The following MCTP2 variants were observed in gnomAD, a reference collection of about 807,000 sequenced individuals.
MCTP2 encodes multiple C2 and transmembrane domain-containing protein 2.
In MCTP2, 132 loss-of-function variants were observed where a neutral mutation model predicts 111.6. That is an observed-to-expected ratio of 1.18 (90% confidence interval 1.03 to 1.37). The LOEUF (loss-of-function observed/expected upper bound fraction) is 1.37, where lower values mean the gene tolerates loss of function less well. MCTP2 is among the 40% of genes most tolerant of loss of function. MCTP2 has a pLI of 0.00. For synonymous variants in MCTP2, 395 were observed against 387.7 expected (o/e 1.02, Z -0.22); for missense variants, 1,183 against 1,067.9 (o/e 1.11, Z -1.50).
chr15:94,306,704 C>G (rs1172550612), intron 2 of MCTP2, among the ~76,000 whole-genome samples: 2 of 152,178 alleles, frequency 1.3e-5, no homozygotes, highest in African/African-American at 4.8e-5. Flanking sequence ...CCATGAAATT[C>G]CACAATGGGG....
chr15:94,433,787 C>G (rs2083314829), intron 17 of MCTP2, among the ~76,000 whole-genome samples: 1 of 152,058 alleles, frequency 6.6e-6, no homozygotes, highest in African/African-American at 2.4e-5. Flanking sequence ...TAAATTTTAG[C>G]CCTTCTAATA....
chr15:94,434,600 A>G (rs1314895215), intron 17 of MCTP2, among the ~76,000 whole-genome samples: 2 of 152,094 alleles, frequency 1.3e-5, no homozygotes, highest in Non-Finnish European at 2.9e-5. Context: ...CAGTTGTTCT[A>G]GTGCCAGTGT....
intron 1 of MCTP2, among the ~76,000 whole-genome samples, chr15:94,243,693 A>G (rs573133587): frequency 3.5e-5 from 5 of 143,128 alleles, no homozygotes; most frequent in Admixed American, 7.2e-5. Flanking sequence ...ATACACATAC[A>G]TATGCGTATA....
At chr15:94,338,434 G>A (rs934520640) in intron 4 of MCTP2, among the ~76,000 whole-genome samples, 64 of 150,788 alleles carry the variant, frequency 4.2e-4, no homozygotes, top group African/African-American at 1.4e-3. Context: ...ATCATGCGAC[G>A]CACATGCATG....
rs1359249086 is a variant in MCTP2 at position 94,302,006 on chromosome 15, GT to G, written c.465+3278del. Among the ~76,000 whole-genome samples the G allele has an allele frequency of 2.4e-4, 37 of 152,174 alleles. 1 individual carries two copies. The highest frequency in any genetic ancestry group is 2.4e-3 in the Admixed American group (37 of 15,278). On this transcript the variant is annotated intron_variant, in intron 2 of 22. Transcript: ENST00000357742. ...GGAAGAAATGAAGAAGAAGGAAGGA[GT>G]TGGCATGTGGCAAGCCTGGTGTACA...
intron 14 of MCTP2, 36 bp downstream of exon 14, chr15:94,385,561 A>G (rs1314462229): frequency 3.5e-6 from 5 of 1,412,468 alleles, no homozygotes; most frequent in South Asian, 2.3e-5. Context: ...TTTGTGAGTC[A>G]TTTTATAGTT....
intron 8 of MCTP2, chr15:94,355,898 C>A: frequency 9.4e-7 from 1 of 1,065,296 alleles, no homozygotes; most frequent in Non-Finnish European, 1.1e-6. Flanking sequence ...CCGGCCAGTG[C>A]CAAGTCAAAG....
At chr15:94,239,394 T>C (rs1243815486) in intron 1 of MCTP2, among the ~76,000 whole-genome samples, 1 of 152,218 alleles carries the variant, frequency 6.6e-6, no homozygotes, top group Non-Finnish European at 1.5e-5. Flanking sequence ...ATTATTATTT[T>C]CACTGGGTCA....
intron 17 of MCTP2, among the ~76,000 whole-genome samples, chr15:94,415,459 G>A (rs555693985): frequency 2.1e-4 from 32 of 152,246 alleles, no homozygotes; most frequent in African/African-American, 7.7e-4. Context: ...CAGCATCTCT[G>A]TGTTCCAAAG....
chr15:94,309,566 C>T (rs72767435), intron 2 of MCTP2, among the ~76,000 whole-genome samples: 6,627 of 152,212 alleles, frequency 0.044, 152 homozygotes, highest in Middle Eastern at 0.061. Flanking sequence ...AGATGGTATT[C>T]GTACAGGATC....
chr15:94,282,325 TTCTC>T (rs1362539969), intron 1 of MCTP2, among the ~76,000 whole-genome samples: 1 of 152,250 alleles, frequency 6.6e-6, no homozygotes, highest in African/African-American at 2.4e-5. Context: ...TTTCTCAGCT[TTCTC>T]TCTTCTGTTA....
At chr15:94,427,612 C>T (rs944999937) in intron 17 of MCTP2, among the ~76,000 whole-genome samples, 1 of 152,110 alleles carries the variant, frequency 6.6e-6, no homozygotes, top group African/African-American at 2.4e-5. Context: ...TCCTGCCAGG[C>T]CCCTCCCCCG....
chr15:94,255,116 T>A (rs1395127415), intron 1 of MCTP2, among the ~76,000 whole-genome samples: 1 of 152,158 alleles, frequency 6.6e-6, no homozygotes, highest in Non-Finnish European at 1.5e-5. Context: ...GGAGATAACA[T>A]CAATTAATAA....
At chr15:94,431,710 C>T (rs1279449561) in intron 17 of MCTP2, among the ~76,000 whole-genome samples, 3 of 151,878 alleles carry the variant, frequency 2.0e-5, no homozygotes, top group Non-Finnish European at 4.4e-5. Context: ...TTTTTTTGAA[C>T]AGAATTAACA....
chr15:94,234,774 G>A (rs1596113696), intron 1 of MCTP2, among the ~76,000 whole-genome samples: 1 of 152,184 alleles, frequency 6.6e-6, no homozygotes, highest in African/African-American at 2.4e-5. Context: ...TGAGTAAGGC[G>A]AAGTCCTGAT....
chr15:94,311,046 A>G lies in MCTP2; in HGVS notation c.466-3236A>G, dbSNP rs1016221729. On this transcript the variant is annotated intron_variant, in intron 2 of 22. Coordinates refer to ENST00000357742, the MANE Select transcript of MCTP2 (RefSeq NM_001385001.1). ...TTTTTTTTTTTTTTTTATTTTTGAG[A>G]TGGAGTCTCACTCTGTTGCCCAGCC... 6.6e-5 allele frequency among the ~76,000 whole-genome samples: 9 copies of G among 135,792 alleles called. No homozygotes were observed. The East Asian group carries it at 1.9e-3, about 28-fold the overall frequency. The allele number at this position is 135,792 out of a possible 152,430, so 89.1% of individuals were successfully genotyped here. A position where few individuals can be genotyped will look rare whatever the true frequency, so the allele number is the denominator to read the frequency against.
Position 94,255,037 on chromosome 15 carries a change from C to G in MCTP2, c.-66+23373C>G, listed in dbSNP as rs553420440. Among the ~76,000 whole-genome samples the G allele has an allele frequency of 1.1e-3, 174 of 152,312 alleles. 1 individual carries two copies. Among genetic ancestry groups the G allele is most frequent in the African/African-American group, 4.1e-3 (171 of 41,564 alleles). ...GGCAAAGCTGGGATTTATGGAGACACAATTTTTTAGAAGTTTTCTATTGGA... is the reference window on the plus strand; with the variant it reads ...GGCAAAGCTGGGATTTATGGAGACAGAATTTTTTAGAAGTTTTCTATTGGA... On this transcript the variant is annotated intron_variant, in intron 1 of 22. Coordinates refer to ENST00000357742, the MANE Select transcript of MCTP2 (RefSeq NM_001385001.1).
intron 1 of MCTP2, among the ~76,000 whole-genome samples, chr15:94,296,845 A>G (rs1205663451): frequency 1.3e-5 from 2 of 152,204 alleles, no homozygotes; most frequent in South Asian, 2.1e-4. Flanking sequence ...TTGTCTGCAG[A>G]AGATACCAAG....
At chr15:94,235,072 C>G (rs1160436112) in intron 1 of MCTP2, among the ~76,000 whole-genome samples, 2 of 151,940 alleles carry the variant, frequency 1.3e-5, no homozygotes, top group African/African-American at 4.8e-5. Context: ...GCCAATATGG[C>G]GAAATCCCAT....
Sources: allele counts gnomAD v4.1 joint callset (sites outside exome capture counted in the v4.1 genomes callset), GRCh38; gene constraint gnomAD v4.1.1; transcripts MANE v1.5; gene names NCBI Gene and HGNC (gene_info 2026-07-23, HGNC 2026-07-21).